Variants in NTMT1 observed in about 807,000 individuals in gnomAD.
NTMT1 encodes N-terminal Xaa-Pro-Lys N-methyltransferase 1, also known as N-terminal RCC1 methyltransferase.
NTMT1 carries 8 observed loss-of-function variants against 17.5 expected under a neutral mutation model. That is an observed-to-expected ratio of 0.46 (90% CI 0.27 to 0.82). The LOEUF is 0.82. NTMT1 is among the 40% of genes least tolerant of loss of function. NTMT1 has a pLI of 0.15. For synonymous variants in NTMT1, 128 were observed against 126.8 expected (o/e 1.01, Z -0.06); for missense variants, 221 against 303.5 (o/e 0.73, Z 2.02).
upstream of NTMT1, among the ~76,000 whole-genome samples, chr9:129,621,808 C>G (rs1830730474): frequency 3.9e-5 from 6 of 152,218 alleles, no homozygotes; most frequent in South Asian, 1.0e-3. Flanking sequence ...TGAGCTGACT[C>G]CTGGGCAGTG....
At chr9:129,633,219 C>T in intron 2 of NTMT1, 2 of 406,458 alleles carry the variant, frequency 4.9e-6, no homozygotes, top group Non-Finnish European at 8.7e-6. Context: ...ACGAAGACTC[C>T]TAGTTATGTG....
chr9:129,618,513 G>A (rs1447904947), intron 1 of NTMT1, among the ~76,000 whole-genome samples: 5 of 151,996 alleles, frequency 3.3e-5, no homozygotes, highest in East Asian at 3.9e-4. Context: ...GGACAGATGC[G>A]TGGCTGGATG....
At chr9:129,631,807 C>A (rs1186183158) in intron 1 of NTMT1, among the ~76,000 whole-genome samples, 1 of 152,212 alleles carries the variant, frequency 6.6e-6, no homozygotes, top group African/African-American at 2.4e-5. Flanking sequence ...CTTCCCTGGT[C>A]CCCGCACCCG....
Position 129,635,261 on chromosome 9 carries a change from C to G in NTMT1, c.469C>G (p.Leu157Val). The change falls in exon 4 of 4, where the codon CTC (leucine) becomes GTC (valine). Residue 157 changes from leucine to valine, a missense_variant. Physicochemically the swap from Leu to Val is conservative, Grantham distance 32. Coordinates refer to ENST00000372483, the MANE Select transcript of NTMT1 (RefSeq NM_014064.4). ...GTTCCTGCGGCGCTGCAAGGGCAGC[C>G]TCCGCCCCAACGGCATCATCGTCAT... The part of the protein sequence containing the change: ...AEFLRRCKGS[L>V]RPNGIIVIKD... 6.2e-7 allele frequency: 1 copy of G among 1,613,350 alleles called. No homozygotes were observed. Among genetic ancestry groups the G allele is most frequent in the Non-Finnish European group, 8.5e-7 (1 of 1,180,022 alleles).
In NTMT1 at chr9:129,636,000, A is replaced by C. The variant is rs1831530399; in HGVS notation, c.*536A>C. The C allele has an allele frequency of 6.5e-6, 1 of 153,406 alleles. No homozygotes were observed. The highest frequency in any genetic ancestry group is 2.4e-5 in the African/African-American group (1 of 41,470). The allele number at this position is 153,406 out of a possible 1,614,324, so 9.5% of individuals were successfully genotyped here. A position where few individuals can be genotyped will look rare whatever the true frequency, so the allele number is the denominator to read the frequency against. On this transcript the variant is annotated 3_prime_UTR_variant, in exon 4 of 4. Transcript: ENST00000372483. Reference sequence around the variant, plus strand: ...TGGCAGTGGAGACCTGGGGCCCTTAAAGTGTTACAACAGCCTGCAGCAAGG... The same window carrying C: ...TGGCAGTGGAGACCTGGGGCCCTTACAGTGTTACAACAGCCTGCAGCAAGG...
chr9:129,625,097 C>T (rs764554224), upstream of NTMT1, among the ~76,000 whole-genome samples: 10 of 152,204 alleles, frequency 6.6e-5, no homozygotes, highest in Non-Finnish European at 1.3e-4. Flanking sequence ...GTAATTATTA[C>T]GTTGCTCAAC....
chr9:129,620,340 G>T lies in NTMT1; in HGVS notation c.-55+11162G>T. ...GTCGCGGTGAGCAAGGCGGGCAGGCGCGGCGGGAGGCGTCCGACGCCCACC... is the reference window on the plus strand; with the variant it reads ...GTCGCGGTGAGCAAGGCGGGCAGGCTCGGCGGGAGGCGTCCGACGCCCACC... On this transcript the variant is annotated intron_variant, in intron 1 of 3. Transcript: ENST00000372486. This position sits in a 1 kb window ranked among gnomAD's most constrained non-coding sequence, Gnocchi z 5.8. The T allele has an allele frequency of 8.1e-7, 1 of 1,229,710 alleles. No homozygotes were observed. The allele number at this position is 1,229,710 out of a possible 1,614,324, so 76.2% of individuals were successfully genotyped here. A position where few individuals can be genotyped will look rare whatever the true frequency, so the allele number is the denominator to read the frequency against.
rs117566704 is a variant in NTMT1 at position 129,615,490 on chromosome 9, G to A, written c.-55+6312G>A. 278 of 1,595,138 alleles carry A rather than the reference G, an allele frequency of 1.7e-4. 2 individuals carry two copies. The African/African-American group carries it at 2.0e-3, about 12-fold the overall frequency. ...CCCCATCCTGTCTGCTTACCTGAGC[G>A]TCTGCGCTCCCAGTAGCGGAGCGTT... On this transcript the variant is annotated intron_variant, in intron 1 of 3. Transcript: ENST00000372486.
intron 1 of NTMT1, chr9:129,619,790 G>C: frequency 6.2e-7 from 1 of 1,614,150 alleles, no homozygotes; most frequent in Non-Finnish European, 8.5e-7. Context: ...ACCCTGGGCA[G>C]TGCTCTAATA....
Position 129,620,355 on chromosome 9 carries a change from C to T in NTMT1, c.-55+11177C>T, listed in dbSNP as rs1830627850. 1 of 1,227,768 alleles carries T rather than the reference C, an allele frequency of 8.1e-7. No homozygotes were observed. The allele number at this position is 1,227,768 out of a possible 1,614,324, so 76.1% of individuals were successfully genotyped here. On this transcript the variant is annotated intron_variant, in intron 1 of 3. Coordinates refer to the NTMT1 transcript ENST00000372486. This position sits in a 1 kb window ranked among gnomAD's most constrained non-coding sequence, Gnocchi z 5.8. The stretch of plus-strand genomic sequence containing the variant: ...GCGGGCAGGCGCGGCGGGAGGCGTC[C>T]GACGCCCACCCCGGGCTTGGCGTCC...
At chr9:129,616,754 C>T (rs545445319) in intron 1 of NTMT1, among the ~76,000 whole-genome samples, 52 of 152,260 alleles carry the variant, frequency 3.4e-4, no homozygotes, top group African/African-American at 1.2e-3. Flanking sequence ...ATGTATATTT[C>T]ATAGATAACA....
In NTMT1 at chr9:129,620,734, C is replaced by T. The variant is rs1588126360; in HGVS notation, c.-55+11556C>T. 1 of 569,924 alleles carries T rather than the reference C, an allele frequency of 1.8e-6. No individual in the cohort carries two copies. The highest frequency in any genetic ancestry group is 2.6e-6 in the Non-Finnish European group (1 of 384,142). 35.3% of individuals were successfully genotyped at this position (569,924 alleles called of 1,614,324 possible). ...CGGCCCGGCGGACAGCGAGTGGCTT[C>T]AGGCGAGAGCTCCCAGAGCCTCTGT... On this transcript the variant is annotated intron_variant, in intron 1 of 3. Transcript: ENST00000372486. This position sits in a 1 kb window ranked among gnomAD's most constrained non-coding sequence, Gnocchi z 5.8.
chr9:129,629,013 C>T (rs978144195), intron 1 of NTMT1, among the ~76,000 whole-genome samples: 3 of 152,310 alleles, frequency 2.0e-5, no homozygotes, highest in African/African-American at 7.2e-5. Context: ...CTTTAATTTT[C>T]CCAGCCACCA....
At chr9:129,624,811 A>G (rs529092270), upstream of NTMT1, among the ~76,000 whole-genome samples, 1 of 152,272 alleles carries the variant, frequency 6.6e-6, no homozygotes, top group African/African-American at 2.4e-5. Context: ...TATTTTTAGT[A>G]GAGACGGGGT....
At chr9:129,624,842 G>A (rs1830842934), upstream of NTMT1, among the ~76,000 whole-genome samples, 1 of 152,156 alleles carries the variant, frequency 6.6e-6, no homozygotes, top group Non-Finnish European at 1.5e-5. Context: ...TGGCCAGGCT[G>A]GTCTCAAATT....
In NTMT1 at chr9:129,634,060, C is replaced by G. The variant is rs749618275; in HGVS notation, c.169C>G (p.Pro57Ala). 1.2e-6 allele frequency: 2 copies of G among 1,613,550 alleles called. No homozygotes were observed. The highest frequency in any genetic ancestry group is 1.7e-6 in the Non-Finnish European group (2 of 1,179,682). The change falls in exon 3 of 4, where the codon CCG becomes GCG. Residue 57 changes from proline to alanine, a missense_variant. Pro to Ala is a conservative substitution (Grantham distance 27). Transcript: ENST00000372483. ...KFLQRFLREG[P>A]NKTGTSCALD... ...ATATGCCTCTGCTTTTCAGGAAGGC[C>G]CGAACAAGACAGGAACGTCCTGTGC...
chr9:129,632,601 T>C, intron 1 of NTMT1, 49 bp from the exon 2 acceptor site: 2 of 1,440,952 alleles, frequency 1.4e-6, no homozygotes, highest in Non-Finnish European at 1.9e-6. Flanking sequence ...CCTGGGGGCC[T>C]TTCTGCCAGG....
In NTMT1 at chr9:129,635,263, C is replaced by T. The variant is rs143571854; in HGVS notation, c.471C>T (p.Leu157=). Residue 157 remains leucine, a synonymous_variant, in exon 4 of 4, where the codon CTC becomes CTT. Transcript: ENST00000372483. ...TCCTGCGGCGCTGCAAGGGCAGCCT[C>T]CGCCCCAACGGCATCATCGTCATCA... The part of the protein sequence containing the change: ...AEFLRRCKGS[L]RPNGIIVIKD... 1 of 1,613,212 alleles carries T rather than the reference C, an allele frequency of 6.2e-7. No homozygotes were observed. Among genetic ancestry groups the T allele is most frequent in the African/African-American group, 1.3e-5 (1 of 74,926 alleles).
At position 129,620,014 on chromosome 9, in the gene NTMT1, A is replaced by C; in HGVS notation, c.-55+10836A>C. Reference sequence around the variant, plus strand: ...GGTGGGTGCGGGGACACAAGGGACCACCCCCCACCGGAAATGACTCGGGCC... The same window carrying C: ...GGTGGGTGCGGGGACACAAGGGACCCCCCCCCACCGGAAATGACTCGGGCC... On this transcript the variant is annotated intron_variant, in intron 1 of 3. Transcript: ENST00000372486. The surrounding 1 kb of genome is among the most constrained non-coding windows in gnomAD (Gnocchi z 5.8). The C allele has an allele frequency of 2.1e-6, 3 of 1,448,662 alleles. No homozygotes were observed. The highest frequency in any genetic ancestry group is 2.5e-5 in the East Asian group (1 of 39,852). The allele number at this position is 1,448,662 out of a possible 1,614,324, so 89.7% of individuals were successfully genotyped here. A position where few individuals can be genotyped will look rare whatever the true frequency, so the allele number is the denominator to read the frequency against.
Sources: allele counts gnomAD v4.1 joint callset (sites outside exome capture counted in the v4.1 genomes callset), GRCh38; gene constraint gnomAD v4.1.1; non-coding constraint Gnocchi (gnomAD v3.1); transcripts MANE v1.5; gene names NCBI Gene and HGNC (gene_info 2026-07-23, HGNC 2026-07-21).